Variants in IGSF21 observed in about 807,000 individuals in gnomAD.
IGSF21 encodes immunoglobin superfamily member 21.
In IGSF21, 28 loss-of-function variants were observed where a neutral mutation model predicts 46.8. The observed-to-expected ratio is 0.60, with a 90% CI of 0.44 to 0.82. The LOEUF is 0.82. Among genes scored for constraint, IGSF21 ranks in the 40% least tolerant of loss-of-function variants. The pLI, the probability that IGSF21 is intolerant of heterozygous loss-of-function variation, is 0.00. For missense variants in IGSF21, 624 were observed against 665.5 expected (o/e 0.94, Z 0.69); for synonymous variants, 284 against 273.6 (o/e 1.04, Z -0.38).
At chr1:18,340,702 T>G (rs2124611349) in intron 4 of IGSF21, among the ~76,000 whole-genome samples, 1 of 152,168 alleles carries the variant, frequency 6.6e-6, no homozygotes, top group South Asian at 2.1e-4. Flanking sequence ...AGTAGGGCCA[T>G]GCTCCCCATG....
intron 2 of IGSF21, among the ~76,000 whole-genome samples, chr1:18,275,183 T>C (rs1466546346): frequency 2.0e-5 from 3 of 152,228 alleles, no homozygotes; most frequent in Non-Finnish European, 4.4e-5. Flanking sequence ...CACAGGTCTT[T>C]GTGCAGCTCT....
intron 2 of IGSF21, among the ~76,000 whole-genome samples, chr1:18,269,221 T>A (rs1313125732): frequency 6.6e-6 from 1 of 152,166 alleles, no homozygotes; most frequent in Non-Finnish European, 1.5e-5. Flanking sequence ...GGGTGGCTGC[T>A]GATGCCGATG....
intron 1 of IGSF21, among the ~76,000 whole-genome samples, chr1:18,139,691 G>C (rs2086397404): frequency 6.6e-6 from 1 of 152,182 alleles, no homozygotes. Context: ...GGATGCCCTA[G>C]GCTTCAATTT....
At chr1:18,119,741 G>T (rs2086218324) in intron 1 of IGSF21, among the ~76,000 whole-genome samples, 1 of 141,866 alleles carries the variant, frequency 7.0e-6, no homozygotes, top group Non-Finnish European at 1.5e-5. Context: ...GCCAGAGGGG[G>T]CAAGGCTTTT....
intron 3 of IGSF21, among the ~76,000 whole-genome samples, chr1:18,313,785 G>A (rs1181677111): frequency 6.6e-6 from 1 of 152,176 alleles, no homozygotes; most frequent in Non-Finnish European, 1.5e-5. Context: ...AAGCAGAGGA[G>A]CCAGTATTTA....
At chr1:18,151,565 T>C (rs1300141965) in intron 1 of IGSF21, among the ~76,000 whole-genome samples, 1 of 152,046 alleles carries the variant, frequency 6.6e-6, no homozygotes, top group East Asian at 1.9e-4. Flanking sequence ...CCAACACTGA[T>C]GGGGAGGGAC....
rs2086174751 is a variant in IGSF21, at chr1:18,367,128, C to A, written c.1015+1431C>A. On this transcript the variant is annotated intron_variant, in intron 6 of 9. Coordinates refer to ENST00000251296, the MANE Select transcript of IGSF21 (RefSeq NM_032880.5). ...AGGGGCTGCCTGGAGCAGTCCACAGCCTCTAACCCAGGCCACTCATGACCA... is the reference window on the plus strand; with the variant it reads ...AGGGGCTGCCTGGAGCAGTCCACAGACTCTAACCCAGGCCACTCATGACCA... Among the ~76,000 whole-genome samples the A allele has an allele frequency of 2.6e-5, 4 of 152,164 alleles. No individual in the cohort carries two copies. In the South Asian group the frequency reaches 8.3e-4, roughly 32 times the overall value.
chr1:18,346,640 AAC>A (rs549845877), intron 4 of IGSF21, among the ~76,000 whole-genome samples: 77 of 152,304 alleles, frequency 5.1e-4, no homozygotes, highest in African/African-American at 1.8e-3. Flanking sequence ...GTTCCAATGC[AAC>A]CACGTGATCT....
At chr1:18,140,502 G>A (rs2086405793) in intron 1 of IGSF21, among the ~76,000 whole-genome samples, 1 of 152,338 alleles carries the variant, frequency 6.6e-6, no homozygotes, top group South Asian at 2.1e-4. Context: ...TCACATGGGT[G>A]AGGATCTGGA....
At position 18,284,351 on chromosome 1, in the gene IGSF21, C is replaced by T. The variant is rs147484845; in HGVS notation, c.184-7515C>T. Among the ~76,000 whole-genome samples, 695 of 152,314 alleles carry T rather than the reference C, an allele frequency of 4.6e-3. 4 individuals carry two copies. The highest frequency in any genetic ancestry group is 8.4e-3 in the Admixed American group (128 of 15,298). ...ACAAATGCACATTGAGCATGTACTA[C>T]GTGCCGGTTCCCATGCTAGGCTCCT... On this transcript the variant is annotated intron_variant, in intron 2 of 9. Coordinates refer to ENST00000251296, the MANE Select transcript of IGSF21 (RefSeq NM_032880.5).
At chr1:18,110,039 C>T (rs116554515) in intron 1 of IGSF21, 1 of 152,252 alleles carries the variant, frequency 6.6e-6, no homozygotes, top group Non-Finnish European at 1.5e-5. Context: ...TCTGGCTGCC[C>T]GGCTGCAGAG....
At chr1:18,260,949 G>A (rs1226656894) in intron 2 of IGSF21, among the ~76,000 whole-genome samples, 1 of 152,258 alleles carries the variant, frequency 6.6e-6, no homozygotes, top group African/African-American at 2.4e-5. Flanking sequence ...GGTATGCAGA[G>A]TGAGGGAGCA....
intron 9 of IGSF21, 68 bp from the exon 10 acceptor site, chr1:18,378,188 G>A: frequency 7.6e-7 from 1 of 1,317,534 alleles, no homozygotes. Flanking sequence ...TGGGGACCTG[G>A]AGGCTCTGCT....
At chr1:18,212,314 T>A (rs2084400452) in intron 1 of IGSF21, among the ~76,000 whole-genome samples, 1 of 152,080 alleles carries the variant, frequency 6.6e-6, no homozygotes, top group Admixed American at 6.5e-5. Flanking sequence ...TGTGATAGAG[T>A]CAGAAGCTGT....
intron 1 of IGSF21, among the ~76,000 whole-genome samples, chr1:18,135,513 T>C (rs12120730): frequency 0.25 from 37,444 of 151,372 alleles, 5,000 homozygotes; most frequent in Non-Finnish European, 0.3. Flanking sequence ...CATGCGGTGT[T>C]TGGTTTTTTG....
At chr1:18,316,584 C>T (rs549803124) in intron 3 of IGSF21, among the ~76,000 whole-genome samples, 1 of 152,314 alleles carries the variant, frequency 6.6e-6, no homozygotes, top group East Asian at 1.9e-4. Context: ...TCCCTAGGTC[C>T]CAGCTGTAGT....
intron 2 of IGSF21, among the ~76,000 whole-genome samples, chr1:18,266,779 G>C (rs1409349590): frequency 6.6e-6 from 1 of 152,186 alleles, no homozygotes; most frequent in African/African-American, 2.4e-5. Flanking sequence ...TCGTGAAAAT[G>C]GGAACCCTTT....
At chr1:18,152,890 T>C (rs2086533390) in intron 1 of IGSF21, among the ~76,000 whole-genome samples, 1 of 152,184 alleles carries the variant, frequency 6.6e-6, no homozygotes, top group Admixed American at 6.5e-5. Flanking sequence ...TCTCTGAACC[T>C]CTGTTTCCTT....
chr1:18,148,354 G>T (rs1177743218), intron 1 of IGSF21, among the ~76,000 whole-genome samples: 5 of 152,056 alleles, frequency 3.3e-5, no homozygotes, highest in African/African-American at 1.2e-4. Context: ...GGATGGTCTC[G>T]ATCTCCTGAC....
Sources: gnomAD v4.1 joint callset for allele counts (sites outside exome capture counted in the v4.1 genomes callset) on GRCh38, gnomAD v4.1.1 for gene constraint, MANE v1.5 for transcripts, NCBI Gene and HGNC (gene_info 2026-07-23, HGNC 2026-07-21) for gene names.